SAE1: variants seen among roughly 807,000 people sequenced by gnomAD.
The protein encoded by SAE1 is SUMO-activating enzyme subunit 1.
SAE1 carries 11 observed loss-of-function variants against 40.6 expected under a neutral mutation model. The ratio of observed to expected loss-of-function variants is 0.27; its 90% CI spans 0.17 to 0.45. SAE1 has a LOEUF of 0.45. Ranked by LOEUF, SAE1 falls within the 20% of genes least tolerant of loss-of-function variation. SAE1 has a pLI of 1.00. For missense variants in SAE1, 373 were observed against 427.3 expected (o/e 0.87, Z 1.12); for synonymous variants, 155 against 154.3 (o/e 1.00, Z -0.03).
At chr19:47,162,863 G>T (rs2058367684) in intron 5 of SAE1, among the ~76,000 whole-genome samples, 1 of 152,064 alleles carries the variant, frequency 6.6e-6, no homozygotes, top group South Asian at 2.1e-4. Context: ...GTGGTAGCAC[G>T]TGCCAGTGGT....
chr19:47,183,016 A>T (rs2058520917), intron 6 of SAE1, among the ~76,000 whole-genome samples: 1 of 152,060 alleles, frequency 6.6e-6, no homozygotes, highest in African/African-American at 2.4e-5. Context: ...CCCAGGTTCA[A>T]GCAATTCTCC....
intron 1 of SAE1, among the ~76,000 whole-genome samples, chr19:47,138,162 G>C (rs1049229639): frequency 6.6e-6 from 1 of 152,140 alleles, no homozygotes; most frequent in Non-Finnish European, 1.5e-5. Context: ...TCCTGCCTCA[G>C]CCTCCTAAGT....
At chr19:47,145,471 T>A (rs1462741942) in intron 2 of SAE1, among the ~76,000 whole-genome samples, 1 of 152,180 alleles carries the variant, frequency 6.6e-6, no homozygotes, top group East Asian at 1.9e-4. Flanking sequence ...TGATTAATAT[T>A]ATAATGGTAG....
intron 6 of SAE1, among the ~76,000 whole-genome samples, chr19:47,182,147 A>C (rs906392196): frequency 1.3e-5 from 2 of 151,958 alleles, no homozygotes; most frequent in Admixed American, 1.3e-4. Context: ...TCACACTCCC[A>C]ACTTTCCTGT....
At chr19:47,145,616 T>G (rs1195843355) in intron 2 of SAE1, among the ~76,000 whole-genome samples, 1 of 152,178 alleles carries the variant, frequency 6.6e-6, no homozygotes, top group African/African-American at 2.4e-5. Context: ...AGACTTACTC[T>G]GTCGCCCAGG....
In SAE1 at chr19:47,209,631, G is replaced by A. The variant is rs542447095; in HGVS notation, c.*380G>A. The A allele has an allele frequency of 2.9e-5, 8 of 278,436 alleles. No individual in the cohort carries two copies. The highest frequency in any genetic ancestry group is 2.7e-5 in the Non-Finnish European group (4 of 148,710). 17.2% of individuals were successfully genotyped at this position (278,436 alleles called of 1,614,324 possible). A position where few individuals can be genotyped will look rare whatever the true frequency, so the allele number is the denominator to read the frequency against. ...CAGGAATGAGCAAGCTCTGTTGCTC[G>A]GGAGCCTCTTGTCACCTTCTTGGAC... On this transcript the variant is annotated 3_prime_UTR_variant, in exon 9 of 9. Coordinates refer to ENST00000270225, the MANE Select transcript of SAE1 (RefSeq NM_005500.3).
chr19:47,182,512 C>T (rs981986607), intron 6 of SAE1, among the ~76,000 whole-genome samples: 4 of 151,168 alleles, frequency 2.6e-5, no homozygotes, highest in Admixed American at 6.6e-5. Flanking sequence ...CACGCACGCG[C>T]GCGCGCACAC....
intron 2 of SAE1, among the ~76,000 whole-genome samples, chr19:47,145,601 G>T (rs2058251011): frequency 6.6e-6 from 1 of 151,864 alleles, no homozygotes; most frequent in South Asian, 2.1e-4. Flanking sequence ...TTTATTTTGA[G>T]ACAAAGACTT....
chr19:47,150,268 G>A lies in SAE1; in HGVS notation c.277G>A (p.Glu93Lys). 1.2e-6 allele frequency: 2 copies of A among 1,613,762 alleles called. No homozygotes were observed. The highest frequency in any genetic ancestry group is 1.7e-6 in the Non-Finnish European group (2 of 1,179,870). Reference protein sequence around the residue: ...RTGSVGRNRAEASLERAQNLN... With the variant: ...RTGSVGRNRAKASLERAQNLN... The stretch of plus-strand genomic sequence containing the variant: ...TGGGTCTGTTGGCCGAAATAGGGCT[G>A]AAGCCTCTTTGGAGCGAGCTCAGAA... Residue 93 changes from glutamate (E) to lysine (K), a missense_variant, in exon 3 of 9, where the codon GAA (glutamate) becomes AAA (lysine). Around this residue, in one of 3 missense-constraint regions of SAE1, gnomAD observed 351 missense variants for 390.6 expected, o/e 0.90. Transcript: ENST00000270225.
intron 7 of SAE1, among the ~76,000 whole-genome samples, chr19:47,203,070 G>A (rs1158361196): frequency 6.6e-6 from 1 of 152,158 alleles, no homozygotes; most frequent in Non-Finnish European, 1.5e-5. Flanking sequence ...TGGGGAAGTG[G>A]TGGAATTAAG....
At position 47,169,904 on chromosome 19, in the gene SAE1, C is replaced by G; in HGVS notation, c.714C>G (p.Ser238=). The change falls in exon 6 of 9, where the codon TCC becomes TCG. Residue 238 remains serine (S), a synonymous_variant. Coordinates refer to ENST00000270225, the MANE Select transcript of SAE1 (RefSeq NM_005500.3). ...KAKAALKRTT[S]DYFLLQVLLK... is the part of the protein sequence containing the mutation. ...AGGCTGCTCTGAAGCGCACGACCTC[C>G]GACTACTTTCTCCTTCAAGGTGAGG... The G allele has an allele frequency of 6.2e-7, 1 of 1,613,760 alleles. No individual in the cohort carries two copies. The highest frequency in any genetic ancestry group is 1.1e-5 in the South Asian group (1 of 91,076).
intron 1 of SAE1, among the ~76,000 whole-genome samples, chr19:47,141,516 A>T (rs1183742211): frequency 6.6e-6 from 1 of 152,068 alleles, no homozygotes; most frequent in Non-Finnish European, 1.5e-5. Context: ...GAGCAGATTT[A>T]TTGTCAGGGA....
At chr19:47,175,736 CAAAAT>C (rs1339230037) in intron 6 of SAE1, among the ~76,000 whole-genome samples, 1 of 152,084 alleles carries the variant, frequency 6.6e-6, no homozygotes, top group Non-Finnish European at 1.5e-5. Context: ...GACTCTGTCT[CAAAAT>C]AAAATAAATA....
intron 6 of SAE1, among the ~76,000 whole-genome samples, chr19:47,187,621 A>C (rs1315550090): frequency 1.3e-5 from 2 of 152,110 alleles, no homozygotes; most frequent in Non-Finnish European, 2.9e-5. Context: ...TCCTGGGTTC[A>C]AGCAATTCTC....
At chr19:47,152,865 A>G in intron 3 of SAE1, 33 bp from the exon 4 acceptor site, 1 of 1,607,756 alleles carries the variant, frequency 6.2e-7, no homozygotes. Context: ...AGTTTGCAAA[A>G]CTCAAACCCA....
rs2058520308 is a variant in SAE1 at position 47,182,939 on chromosome 19, ACAGTCTCGTT to A, written c.733+13018_733+13027del. ...CTCTTTTTTTGACTGTTTTTTTGAA[ACAGTCTCGTT>A]CTGTCAGCCAGGCTGGAGTGCAGTG... On this transcript the variant is annotated intron_variant, in intron 6 of 8. Coordinates refer to ENST00000270225, the MANE Select transcript of SAE1 (RefSeq NM_005500.3). Among the ~76,000 whole-genome samples the A allele has an allele frequency of 7.2e-5, 11 of 152,126 alleles. No individual in the cohort carries two copies. In the South Asian group the frequency reaches 2.3e-3, roughly 32 times the overall value.
At chr19:47,156,471 C>G (rs550425906) in intron 5 of SAE1, among the ~76,000 whole-genome samples, 1 of 135,066 alleles carries the variant, frequency 7.4e-6, no homozygotes, top group Admixed American at 7.3e-5. Flanking sequence ...GAACGAGACT[C>G]TGTCTCCAAA....
At chr19:47,152,167 C>G (rs1306602826) in intron 3 of SAE1, among the ~76,000 whole-genome samples, 1 of 152,136 alleles carries the variant, frequency 6.6e-6, no homozygotes, top group Non-Finnish European at 1.5e-5. Flanking sequence ...GTCTTTTGAC[C>G]ATGATCACAA....
intron 1 of SAE1, among the ~76,000 whole-genome samples, chr19:47,135,077 G>A (rs545375767): frequency 2.0e-5 from 3 of 152,074 alleles, no homozygotes; most frequent in Non-Finnish European, 4.4e-5. Flanking sequence ...CATTTTGGGG[G>A]TATGTGAGAT....
Sources: allele counts gnomAD v4.1 joint callset (sites outside exome capture counted in the v4.1 genomes callset), GRCh38; gene constraint gnomAD v4.1.1; regional missense constraint gnomAD v4.1.1; transcripts MANE v1.5; gene names NCBI Gene and HGNC (gene_info 2026-07-23, HGNC 2026-07-21).